SEMA6D: variants seen among roughly 807,000 people sequenced by gnomAD.
SEMA6D encodes the protein semaphorin-6D.
In SEMA6D, 35 loss-of-function variants were observed where a neutral mutation model predicts 106.6. The observed-to-expected ratio is 0.33, with a 90% CI of 0.25 to 0.44. The LOEUF is 0.44. SEMA6D is among the 20% of genes least tolerant of loss of function. The pLI is 1.00. For synonymous variants in SEMA6D, 499 were observed against 487.7 expected, an observed-to-expected ratio of 1.02 and a Z score of -0.31; for missense variants, 1,185 against 1,345.9, an observed-to-expected ratio of 0.88 and a Z score of 1.87.
intron 1 of SEMA6D, among the ~76,000 whole-genome samples, chr15:47,753,620 C>T (rs2081563403): frequency 6.6e-6 from 1 of 152,174 alleles, no homozygotes; most frequent in African/African-American, 2.4e-5. Context: ...TCAGAGCACA[C>T]AATGCATTGC....
rs141576666 is a variant in SEMA6D at position 47,243,300 on chromosome 15, A to G, written c.-239+58882A>G. 9.9e-5 allele frequency among the ~76,000 whole-genome samples: 15 copies of G among 152,190 alleles called. No homozygotes were observed. In the East Asian group the frequency reaches 2.9e-3, roughly 29 times the overall value. On this transcript the variant is annotated intron_variant, in intron 1 of 19. Transcript: ENST00000558014. ...TCCTTGCATCTCATAGCATCAACCC[A>G]TGAACTGGTTATTTGTGTCCCAATA...
intron 4 of SEMA6D, among the ~76,000 whole-genome samples, chr15:47,692,891 CTATT>C (rs1174911777): frequency 6.6e-6 from 1 of 152,044 alleles, no homozygotes; most frequent in African/African-American, 2.4e-5. Context: ...GACTGACTTT[CTATT>C]AATATGATTA....
intron 1 of SEMA6D, among the ~76,000 whole-genome samples, chr15:47,371,556 A>C (rs1031210009): frequency 1.3e-5 from 2 of 152,210 alleles, no homozygotes; most frequent in African/African-American, 4.8e-5. Flanking sequence ...GGTAGAAGGA[A>C]GACACTGTTC....
At chr15:47,440,438 C>T (rs1436646893) in intron 2 of SEMA6D, among the ~76,000 whole-genome samples, 1 of 152,000 alleles carries the variant, frequency 6.6e-6, no homozygotes, top group Non-Finnish European at 1.5e-5. Flanking sequence ...GTAAGAAATA[C>T]TGGGCTGAGG....
chr15:47,392,848 A>G lies in SEMA6D; in HGVS notation c.-238-19545A>G, dbSNP rs117709964. ...GTCACCAGGAAAACAAAGGCTTCCA[A>G]TGAAAACAAGGGATATCCCCAGTTG... is the stretch of plus-strand genomic sequence containing the variant. On this transcript the variant is annotated intron_variant, in intron 1 of 19. Coordinates refer to the SEMA6D transcript ENST00000558014. Among the ~76,000 whole-genome samples, 144 of 152,350 alleles carry G rather than the reference A, an allele frequency of 9.5e-4. 2 individuals carry two copies. The East Asian group carries it at 0.019, about 20-fold the overall frequency.
chr15:47,701,378 G>C (rs2078807767), intron 4 of SEMA6D, among the ~76,000 whole-genome samples: 1 of 152,124 alleles, frequency 6.6e-6, no homozygotes, highest in South Asian at 2.1e-4. Context: ...GGGGATTGGG[G>C]AGATGTTGGC....
At chr15:47,616,135 A>C (rs533708809) in intron 4 of SEMA6D, among the ~76,000 whole-genome samples, 4 of 151,022 alleles carry the variant, frequency 2.6e-5, no homozygotes, top group Admixed American at 2.6e-4. Context: ...TTTGTTATAT[A>C]CTCAAGTGTC....
chr15:47,729,596 C>G (rs780977986), intron 1 of SEMA6D, among the ~76,000 whole-genome samples: 13 of 152,154 alleles, frequency 8.5e-5, no homozygotes, highest in Non-Finnish European at 1.6e-4. Context: ...TAAGATCACC[C>G]CACTCCATCT....
chr15:47,725,465 G>A (rs1197394548), intron 1 of SEMA6D, among the ~76,000 whole-genome samples: 1 of 152,048 alleles, frequency 6.6e-6, no homozygotes, highest in Admixed American at 6.6e-5. Flanking sequence ...AGGTTCCCAG[G>A]GGGAATCAGC....
At chr15:47,574,544 A>G (rs1300112177) in intron 3 of SEMA6D, among the ~76,000 whole-genome samples, 2 of 152,236 alleles carry the variant, frequency 1.3e-5, no homozygotes, top group African/African-American at 4.8e-5. Context: ...GCAAGAATTT[A>G]GCGGAATCTT....
At chr15:47,247,134 T>C (rs927663713) in intron 1 of SEMA6D, among the ~76,000 whole-genome samples, 1 of 152,152 alleles carries the variant, frequency 6.6e-6, no homozygotes, top group African/African-American at 2.4e-5. Flanking sequence ...CAGTCTTTAG[T>C]CTGAGAAGTG....
chr15:47,494,318 A>G (rs1794365388), intron 3 of SEMA6D, among the ~76,000 whole-genome samples: 1 of 152,068 alleles, frequency 6.6e-6, no homozygotes, highest in South Asian at 2.1e-4. Flanking sequence ...CTAAAATTGG[A>G]TATAGCATAT....
chr15:47,292,656 GACA>G (rs1285178170), intron 1 of SEMA6D, among the ~76,000 whole-genome samples: 1 of 152,164 alleles, frequency 6.6e-6, no homozygotes, highest in Non-Finnish European at 1.5e-5. Context: ...GGGATACACA[GACA>G]AATAAACGTG....
At chr15:47,334,375 G>A (rs952180020) in intron 1 of SEMA6D, among the ~76,000 whole-genome samples, 2 of 152,176 alleles carry the variant, frequency 1.3e-5, no homozygotes, top group Non-Finnish European at 2.9e-5. Flanking sequence ...AAGCCTGTCA[G>A]TCAGAATTTC....
intron 1 of SEMA6D, among the ~76,000 whole-genome samples, chr15:47,299,432 A>G (rs1355185884): frequency 6.6e-6 from 1 of 152,234 alleles, no homozygotes; most frequent in African/African-American, 2.4e-5. Context: ...CCAAATTTTC[A>G]TTCAGTGTAA....
chr15:47,202,306 C>T (rs771904672), intron 1 of SEMA6D, among the ~76,000 whole-genome samples: 2 of 152,028 alleles, frequency 1.3e-5, no homozygotes, highest in East Asian at 1.9e-4. Context: ...ACAACTGAAA[C>T]GGGTGATCAA....
At chr15:47,268,694 A>G (rs1163914165) in intron 1 of SEMA6D, among the ~76,000 whole-genome samples, 1 of 152,182 alleles carries the variant, frequency 6.6e-6, no homozygotes, top group Non-Finnish European at 1.5e-5. Context: ...ATGACTGCCC[A>G]TGCAACTTGG....
At chr15:47,412,541 T>C (rs2040832327) in intron 2 of SEMA6D, 1 of 152,478 alleles carries the variant, frequency 6.6e-6, no homozygotes, top group South Asian at 2.1e-4. Context: ...CCATTAGATG[T>C]GAAACTGAAG....
At chr15:47,428,282 T>C (rs2041411857) in intron 2 of SEMA6D, among the ~76,000 whole-genome samples, 1 of 152,094 alleles carries the variant, frequency 6.6e-6, no homozygotes, top group Non-Finnish European at 1.5e-5. Context: ...GAGTTTATGT[T>C]GATCAAAGGT....
Sources: allele counts gnomAD v4.1 joint callset (sites outside exome capture counted in the v4.1 genomes callset), GRCh38; gene constraint gnomAD v4.1.1; transcripts MANE v1.5; gene names NCBI Gene and HGNC (gene_info 2026-07-23, HGNC 2026-07-21).